The following TXNDC9 variants were observed in gnomAD, a reference collection of about 807,000 sequenced individuals.
The protein encoded by TXNDC9 is thioredoxin domain-containing protein 9.
A neutral mutation model predicts 23.0 loss-of-function variants in TXNDC9; 7 were observed. That is an observed-to-expected ratio of 0.30 (90% confidence interval 0.17 to 0.57). The LOEUF is 0.57. Ranked by LOEUF, TXNDC9 falls within the 20% of genes least tolerant of loss-of-function variation. The pLI is 0.90. For missense variants in TXNDC9, 198 were observed against 252.6 expected, an observed-to-expected ratio of 0.78 and a Z score of 1.47; for synonymous variants, 72 against 90.6, an observed-to-expected ratio of 0.79 and a Z score of 1.17.
intron 2 of TXNDC9, among the ~76,000 whole-genome samples, chr2:99,330,317 A>AAAAAAAAAAAAAC (rs2094221918): frequency 6.9e-6 from 1 of 144,482 alleles, no homozygotes; most frequent in Non-Finnish European, 1.5e-5. Flanking sequence ...AAAAAAAAAA[A>AAAAAAAAAAAAAC]AAGCTGCTAT....
In TXNDC9 at chr2:99,322,637, T is replaced by C. The variant is rs777969579; in HGVS notation, c.309-428A>G. The C allele has an allele frequency of 3.9e-6, 6 of 1,544,514 alleles. No homozygotes were observed. The South Asian group carries it at 7.3e-5, about 19-fold the overall frequency. On this transcript the variant is annotated intron_variant, in intron 3 of 4. Coordinates refer to ENST00000264255, the MANE Select transcript of TXNDC9 (RefSeq NM_005783.4). ...CTGAACAGCATTACCGAGGAAAAACTTCTTACTCCTAAATATGCAACGCTG... is the reference window on the plus strand; with the variant it reads ...CTGAACAGCATTACCGAGGAAAAACCTCTTACTCCTAAATATGCAACGCTG...
At chr2:99,313,518 G>A in the TXNDC9 span, among the ~76,000 whole-genome samples, 1 of 152,178 alleles carries the variant, frequency 6.6e-6, no homozygotes, top group Non-Finnish European at 1.5e-5. Context: ...CATGCCTGTA[G>A]TCCTAGCTAC....
At chr2:99,327,930 G>C (rs1385585652) in intron 2 of TXNDC9, among the ~76,000 whole-genome samples, 5 of 151,472 alleles carry the variant, frequency 3.3e-5, no homozygotes, top group Admixed American at 3.3e-4. Flanking sequence ...GACTACAGGC[G>C]GGCACCAGTA....
chr2:99,306,805 T>G, the TXNDC9 span: 2 of 455,638 alleles, frequency 4.4e-6, no homozygotes, highest in Non-Finnish European at 8.8e-6. Flanking sequence ...AAAGAAAGTT[T>G]TTTTGGAACA....
intron 3 of TXNDC9, among the ~76,000 whole-genome samples, chr2:99,327,017 T>G (rs1267181096): frequency 6.6e-6 from 1 of 152,250 alleles, no homozygotes; most frequent in Non-Finnish European, 1.5e-5. Flanking sequence ...TAATATTCAT[T>G]TATACTTTTG....
chr2:99,318,369 T>C (rs2094194391), downstream of TXNDC9, among the ~76,000 whole-genome samples: 1 of 152,032 alleles, frequency 6.6e-6, no homozygotes, highest in Non-Finnish European at 1.5e-5. Context: ...AGAGACGGGG[T>C]TTCACCAAGT....
At chr2:99,311,656 AG>A in the TXNDC9 span, among the ~76,000 whole-genome samples, 1 of 151,510 alleles carries the variant, frequency 6.6e-6, no homozygotes, top group Non-Finnish European at 1.5e-5. Flanking sequence ...TCCAGGCATG[AG>A]CCACCATGCC....
chr2:99,319,691 AT>A lies in TXNDC9; in HGVS notation c.671del (p.Asp224ValfsTer7). 1 of 1,580,424 alleles carries A rather than the reference AT, an allele frequency of 6.3e-7. No individual in the cohort carries two copies. Among genetic ancestry groups the A allele is most frequent in the Non-Finnish European group, 8.6e-7 (1 of 1,166,118 alleles). ...IRGKKYDSDS[D>X]DD Reference sequence around the variant, plus strand: ...AAAGAATTATTGAGCTCTAATCATCATCAGAGTCTGAATCATATTTCTTTCC... The same window carrying A: ...AAAGAATTATTGAGCTCTAATCATCACAGAGTCTGAATCATATTTCTTTCC... On this transcript the variant is annotated frameshift_variant, in exon 5 of 5. Coordinates refer to ENST00000264255, the MANE Select transcript of TXNDC9 (RefSeq NM_005783.4). LOFTEE classifies it high-confidence loss of function.
chr2:99,317,422 A>G (rs2094191738), downstream of TXNDC9, among the ~76,000 whole-genome samples: 1 of 152,074 alleles, frequency 6.6e-6, no homozygotes, highest in Non-Finnish European at 1.5e-5. Context: ...AGTTAAGTCC[A>G]CTTACCCTGA....
chr2:99,308,654 G>A, the TXNDC9 span, among the ~76,000 whole-genome samples: 1 of 151,804 alleles, frequency 6.6e-6, no homozygotes, highest in African/African-American at 2.4e-5. Context: ...GGATGAGTAC[G>A]ATGTGATTCA....
chr2:99,311,048 C>A, the TXNDC9 span, among the ~76,000 whole-genome samples: 1 of 151,736 alleles, frequency 6.6e-6, no homozygotes, highest in East Asian at 1.9e-4. Context: ...TTTTAAGAGA[C>A]AGGATCTCCC....
the TXNDC9 span, among the ~76,000 whole-genome samples, chr2:99,308,675 C>A: frequency 1.3e-5 from 2 of 151,554 alleles, no homozygotes; most frequent in Admixed American, 6.6e-5. Context: ...ACTGGAAAGG[C>A]CTTTAACAAA....
At chr2:99,324,269 A>C (rs1482062692) in intron 3 of TXNDC9, among the ~76,000 whole-genome samples, 1 of 152,190 alleles carries the variant, frequency 6.6e-6, no homozygotes, top group Non-Finnish European at 1.5e-5. Context: ...CACACACAAA[A>C]TACTTCATGG....
At chr2:99,309,955 G>A in the TXNDC9 span, among the ~76,000 whole-genome samples, 1 of 151,954 alleles carries the variant, frequency 6.6e-6, no homozygotes, top group Admixed American at 6.6e-5. Context: ...AAAGCGCTGG[G>A]ATTACAAGCG....
chr2:99,331,493 G>A (rs1202456971), intron 2 of TXNDC9, among the ~76,000 whole-genome samples: 2 of 141,142 alleles, frequency 1.4e-5, no homozygotes, highest in Non-Finnish European at 3.0e-5. Context: ...ATGGGCAACA[G>A]AGTGAGACTC....
the TXNDC9 span, among the ~76,000 whole-genome samples, chr2:99,308,034 C>T: frequency 6.6e-5 from 10 of 152,190 alleles, no homozygotes; most frequent in Admixed American, 6.5e-4. Flanking sequence ...ACAGATACAC[C>T]TCTAGAGTCC....
chr2:99,308,821 C>T, the TXNDC9 span, among the ~76,000 whole-genome samples: 3 of 152,004 alleles, frequency 2.0e-5, no homozygotes, highest in African/African-American at 7.2e-5. Flanking sequence ...ATGCCATTCT[C>T]CTGCCTCAGC....
At chr2:99,321,756 A>T in intron 4 of TXNDC9, 199 bp downstream of exon 4, 1 of 600,350 alleles carries the variant, frequency 1.7e-6, no homozygotes, top group Non-Finnish European at 2.8e-6. Flanking sequence ...AAATCAGTTT[A>T]ATCTGTAAAT....
At chr2:99,311,984 C>T in the TXNDC9 span, among the ~76,000 whole-genome samples, 14 of 152,170 alleles carry the variant, frequency 9.2e-5, no homozygotes, top group Admixed American at 8.5e-4. Context: ...TTTAATCAGA[C>T]AGTTTTATGA....
Sources: gnomAD v4.1 joint callset for allele counts (sites outside exome capture counted in the v4.1 genomes callset) on GRCh38, gnomAD v4.1.1 for gene constraint, MANE v1.5 for transcripts, NCBI Gene and HGNC (gene_info 2026-07-23, HGNC 2026-07-21) for gene names.